The following KIF18A variants were observed in gnomAD, a reference collection of about 807,000 sequenced individuals.
KIF18A encodes kinesin family member 18A, also known as kinesin-like protein KIF18A.
KIF18A carries 67 observed loss-of-function variants against 103.3 expected under a neutral mutation model. The observed-to-expected ratio is 0.65, with a 90% CI of 0.53 to 0.79. The LOEUF is 0.79. KIF18A is among the 30% of genes least tolerant of loss of function. The pLI is 0.00. For synonymous variants in KIF18A, 367 were observed against 355.5 expected, an observed-to-expected ratio of 1.03 and a Z score of -0.36; for missense variants, 1,032 against 1,062.5, an observed-to-expected ratio of 0.97 and a Z score of 0.40.
intron 10 of KIF18A, among the ~76,000 whole-genome samples, chr11:28,073,538 A>G (rs1252728344): frequency 6.6e-6 from 1 of 152,152 alleles, no homozygotes; most frequent in Non-Finnish European, 1.5e-5. Context: ...TTAATTAGGT[A>G]AGTAACTCCA....
Position 28,059,047 on chromosome 11 carries a change from C to T in KIF18A, c.1827G>A (p.Glu609=). ...SDFKEIEHLV[E]RKKVVVWADQ... ...CAGCCCAAACTACCACTTTTTTCCT[C>T]TCTACCAAATGTTCGATCTCTTTGA... The change falls in exon 13 of 17, where the codon GAG becomes GAA. Residue 609 remains glutamate (E), a synonymous_variant. Coordinates refer to ENST00000263181, the MANE Select transcript of KIF18A (RefSeq NM_031217.4). The T allele has an allele frequency of 6.2e-7, 1 of 1,614,044 alleles. No homozygotes were observed. The highest frequency in any genetic ancestry group is 8.5e-7 in the Non-Finnish European group (1 of 1,179,976).
At chr11:28,069,781 T>C (rs941658435) in intron 10 of KIF18A, among the ~76,000 whole-genome samples, 3 of 152,100 alleles carry the variant, frequency 2.0e-5, no homozygotes, top group Non-Finnish European at 4.4e-5. Flanking sequence ...ATGATCTCCT[T>C]ACTCAAAATC....
At chr11:28,095,034 C>T (rs893957288) in intron 2 of KIF18A, among the ~76,000 whole-genome samples, 4 of 152,184 alleles carry the variant, frequency 2.6e-5, no homozygotes, top group African/African-American at 9.7e-5. Context: ...ACTCTAACAA[C>T]TACTCTTTCA....
intron 6 of KIF18A, among the ~76,000 whole-genome samples, chr11:28,087,391 T>C (rs1851242336): frequency 6.6e-6 from 1 of 152,256 alleles, no homozygotes; most frequent in Non-Finnish European, 1.5e-5. Flanking sequence ...TCTAGCTTAA[T>C]CCATGTGCCT....
intron 13 of KIF18A, among the ~76,000 whole-genome samples, chr11:28,053,886 G>C (rs965137207): frequency 7.0e-6 from 1 of 142,310 alleles, no homozygotes; most frequent in East Asian, 2.1e-4. Flanking sequence ...ACTAAAGGTA[G>C]AAATTAAAAA....
chr11:28,047,881 G>T (rs1029382183), intron 13 of KIF18A, among the ~76,000 whole-genome samples: 1 of 151,932 alleles, frequency 6.6e-6, no homozygotes, highest in African/African-American at 2.4e-5. Flanking sequence ...TTAAAATTGG[G>T]TTACATAAAA....
intron 15 of KIF18A, among the ~76,000 whole-genome samples, chr11:28,029,465 G>A (rs1470595664): frequency 1.3e-5 from 2 of 152,112 alleles, no homozygotes; most frequent in African/African-American, 2.4e-5. Context: ...AAAGGCCTTT[G>A]ACAAAATTCA....
At chr11:28,107,445 A>G (rs530464724) in intron 1 of KIF18A, among the ~76,000 whole-genome samples, 22 of 151,926 alleles carry the variant, frequency 1.4e-4, no homozygotes, top group Non-Finnish European at 2.1e-4. Context: ...TTTACAGTTT[A>G]ATTTCATCTG....
At chr11:28,053,924 TAAA>T (rs34579022) in intron 13 of KIF18A, among the ~76,000 whole-genome samples, 37 of 138,616 alleles carry the variant, frequency 2.7e-4, no homozygotes, top group Non-Finnish European at 3.7e-4. Flanking sequence ...CTGGTGAGGC[TAAA>T]AAAAAAAAAA....
At chr11:28,047,908 A>T (rs1312970794) in intron 13 of KIF18A, among the ~76,000 whole-genome samples, 1 of 152,172 alleles carries the variant, frequency 6.6e-6, no homozygotes, top group Non-Finnish European at 1.5e-5. Context: ...ACCAACCATG[A>T]ATAAGAGAGA....
In KIF18A at chr11:28,105,413, T is replaced by G. The variant is rs750789983; in HGVS notation, c.-47+2651A>C. 9.2e-5 allele frequency among the ~76,000 whole-genome samples: 14 copies of G among 152,184 alleles called. No individual in the cohort carries two copies. The South Asian group carries it at 1.0e-3, about 11-fold the overall frequency. On this transcript the variant is annotated intron_variant, in intron 1 of 16. Transcript: ENST00000263181. Reference sequence around the variant, plus strand: ...TATATATTGCTTACTTTTTTAGAAATTTTAAAACATTTAATTGGCAAAGAT... The same window carrying G: ...TATATATTGCTTACTTTTTTAGAAAGTTTAAAACATTTAATTGGCAAAGAT...
At chr11:28,021,479 T>C (rs1850244046) in intron 16 of KIF18A, among the ~76,000 whole-genome samples, 197 bp from the exon 17 acceptor site, 2 of 152,208 alleles carry the variant, frequency 1.3e-5, no homozygotes, top group South Asian at 2.1e-4. Context: ...TTCAAATTCA[T>C]ATTGCAAACT....
intron 1 of KIF18A, among the ~76,000 whole-genome samples, chr11:28,105,765 T>A (rs140374523): frequency 6.6e-6 from 1 of 152,232 alleles, no homozygotes; most frequent in Non-Finnish European, 1.5e-5. Flanking sequence ...TCAATAAGTA[T>A]GCTTTAACAA....
At chr11:28,051,966 G>A (rs1850717124) in intron 13 of KIF18A, among the ~76,000 whole-genome samples, 3 of 151,962 alleles carry the variant, frequency 2.0e-5, no homozygotes, top group Admixed American at 1.3e-4. Flanking sequence ...CTCTCTGAAG[G>A]TGACTCAATT....
chr11:28,023,716 T>C (rs751776880), intron 16 of KIF18A, 25 bp downstream of exon 16: 2 of 1,294,628 alleles, frequency 1.5e-6, no homozygotes, highest in Admixed American at 3.4e-5. Context: ...TACCATTAAA[T>C]ATCAAATTAA....
At chr11:28,040,611 A>G (rs544707203) in intron 13 of KIF18A, among the ~76,000 whole-genome samples, 89 of 151,836 alleles carry the variant, frequency 5.9e-4, no homozygotes, top group African/African-American at 2.0e-3. Context: ...TGGGTGCTAC[A>G]CAGAAGGGAA....
chr11:28,052,154 C>A (rs1221832775), intron 13 of KIF18A, among the ~76,000 whole-genome samples: 1 of 152,052 alleles, frequency 6.6e-6, no homozygotes, highest in Non-Finnish European at 1.5e-5. Flanking sequence ...CCATCTTTTG[C>A]CTGGGTTATT....
chr11:28,095,944 G>T (rs150499407), intron 2 of KIF18A, among the ~76,000 whole-genome samples: 102 of 150,678 alleles, frequency 6.8e-4, no homozygotes, highest in African/African-American at 2.3e-3. Flanking sequence ...CCAGCAGGTT[G>T]AGGCTGCAGT....
chr11:28,073,747 T>C (rs532793684), intron 10 of KIF18A, among the ~76,000 whole-genome samples: 5 of 152,340 alleles, frequency 3.3e-5, no homozygotes, highest in Admixed American at 6.5e-5. Context: ...TTATCATTTT[T>C]ATTATTTTTA....
Sources: allele counts gnomAD v4.1 joint callset (sites outside exome capture counted in the v4.1 genomes callset), GRCh38; gene constraint gnomAD v4.1.1; transcripts MANE v1.5; gene names NCBI Gene and HGNC (gene_info 2026-07-23, HGNC 2026-07-21).